The following ZHX2 variants were observed in gnomAD, a reference collection of about 807,000 sequenced individuals.
The protein encoded by ZHX2 is zinc fingers and homeoboxes protein 2.
In ZHX2, 6 loss-of-function variants were observed where a neutral mutation model predicts 21.9. The observed-to-expected ratio is 0.27, with a 90% confidence interval of 0.15 to 0.54. The LOEUF (loss-of-function observed/expected upper bound fraction) is 0.54, where lower values mean the gene tolerates loss of function less well. Among genes scored for constraint, ZHX2 ranks in the 20% least tolerant of loss-of-function variants. ZHX2 has a pLI of 0.95. For synonymous variants in ZHX2, 434 were observed against 437.1 expected (o/e 0.99, Z 0.09); for missense variants, 908 against 1,090.7 (o/e 0.83, Z 2.36).
intron 2 of ZHX2, among the ~76,000 whole-genome samples, chr8:122,948,237 A>C (rs563684590): frequency 1.3e-5 from 2 of 152,140 alleles, no homozygotes; most frequent in Non-Finnish European, 2.9e-5. Flanking sequence ...GTGGGACTCA[A>C]ACCCAGGCCC....
intron 2 of ZHX2, among the ~76,000 whole-genome samples, chr8:122,895,414 C>T (rs16897609): frequency 0.013 from 1,938 of 152,314 alleles, 38 homozygotes; most frequent in African/African-American, 0.044. Flanking sequence ...ACAGGAAGAA[C>T]GTGTGACCAC....
intron 1 of ZHX2, among the ~76,000 whole-genome samples, chr8:122,788,850 C>T (rs1328305917): frequency 6.6e-6 from 1 of 152,102 alleles, no homozygotes; most frequent in Non-Finnish European, 1.5e-5. Context: ...TGTGTGTGCA[C>T]GTGTGCGTAT....
intron 1 of ZHX2, among the ~76,000 whole-genome samples, chr8:122,813,736 T>C (rs1817975814): frequency 1.3e-5 from 2 of 152,230 alleles, no homozygotes; most frequent in African/African-American, 2.4e-5. Flanking sequence ...AAAAATGGAA[T>C]GCTCCACTCA....
At chr8:122,954,107 T>C in intron 3 of ZHX2, 79 bp downstream of exon 3, 2 of 1,321,154 alleles carry the variant, frequency 1.5e-6, no homozygotes, top group Non-Finnish European at 1.0e-6. Flanking sequence ...ATATAGATTG[T>C]AGGGTACAGA....
chr8:122,857,178 T>C (rs1819046658), intron 1 of ZHX2, among the ~76,000 whole-genome samples: 1 of 152,180 alleles, frequency 6.6e-6, no homozygotes, highest in Non-Finnish European at 1.5e-5. Context: ...TGCACAGTGC[T>C]TGAGTTAGCG....
intron 1 of ZHX2, among the ~76,000 whole-genome samples, chr8:122,826,454 A>G (rs1276440382): frequency 6.6e-6 from 1 of 152,218 alleles, no homozygotes; most frequent in East Asian, 1.9e-4. Flanking sequence ...ACCTTGTCCT[A>G]GTTTTTCAGC....
chr8:122,920,796 A>G (rs1820718269), intron 2 of ZHX2, among the ~76,000 whole-genome samples: 2 of 152,158 alleles, frequency 1.3e-5, no homozygotes, highest in Non-Finnish European at 1.5e-5. Context: ...CAAGGGCAGG[A>G]TCGATGTGAT....
At chr8:122,895,402 G>C (rs1820076265) in intron 2 of ZHX2, among the ~76,000 whole-genome samples, 1 of 152,226 alleles carries the variant, frequency 6.6e-6, no homozygotes, top group Admixed American at 6.5e-5. Context: ...CTACTGCATG[G>C]CACAGGAAGA....
At chr8:122,791,552 C>G (rs1198900969) in intron 1 of ZHX2, among the ~76,000 whole-genome samples, 4 of 152,122 alleles carry the variant, frequency 2.6e-5, no homozygotes, top group Non-Finnish European at 5.9e-5. Context: ...CTTATCTGAT[C>G]ATAATAATAA....
chr8:122,856,669 G>T (rs1156794899), intron 1 of ZHX2, among the ~76,000 whole-genome samples: 1 of 152,104 alleles, frequency 6.6e-6, no homozygotes, highest in East Asian at 1.9e-4. Flanking sequence ...CCTGGCAGGA[G>T]GAGCACAGGC....
chr8:122,968,072 T>C (rs1222453527), intron 3 of ZHX2, among the ~76,000 whole-genome samples: 1 of 151,948 alleles, frequency 6.6e-6, no homozygotes, highest in Admixed American at 6.6e-5. Context: ...GTGCAAGTCT[T>C]TGAGGTAAAA....
intron 1 of ZHX2, among the ~76,000 whole-genome samples, chr8:122,845,297 G>C (rs749900470): frequency 2.0e-5 from 3 of 152,096 alleles, no homozygotes; most frequent in Non-Finnish European, 4.4e-5. Context: ...TGCCGCTATT[G>C]AAAATGTTGG....
chr8:122,837,092 G>A lies in ZHX2; in HGVS notation c.-282-26385G>A, dbSNP rs563886028. 9.3e-4 allele frequency among the ~76,000 whole-genome samples: 142 copies of A among 152,198 alleles called. 1 individual carries two copies. The highest frequency in any genetic ancestry group is 3.3e-3 in the African/African-American group (138 of 41,542). On this transcript the variant is annotated intron_variant, in intron 1 of 3. Transcript: ENST00000314393. ...GACAGTTTACAAACACCATGGCAAC[G>A]TCAGGAAGGTACCCTATATGGTCTA...
At chr8:122,905,823 G>A (rs947435628) in intron 2 of ZHX2, among the ~76,000 whole-genome samples, 1 of 152,128 alleles carries the variant, frequency 6.6e-6, no homozygotes, top group African/African-American at 2.4e-5. Flanking sequence ...TTGTATTTTT[G>A]CCATTGAAAG....
Position 122,951,433 on chromosome 8 carries a change from A to T in ZHX2, c.-78A>T. ...GGGGGAATAAAGCCAAAAGCCTTTC[A>T]CCTTATTCGTTCCAAGAATCTCACC... is the stretch of plus-strand genomic sequence containing the variant. On this transcript the variant is annotated 5_prime_UTR_variant, in exon 3 of 4. Transcript: ENST00000314393. 7.7e-7 allele frequency: 1 copy of T among 1,305,112 alleles called. No homozygotes were observed. The highest frequency in any genetic ancestry group is 1.1e-6 in the Non-Finnish European group (1 of 952,314). 80.8% of individuals were successfully genotyped at this position (1,305,112 alleles called of 1,614,324 possible).
intron 1 of ZHX2, among the ~76,000 whole-genome samples, chr8:122,843,187 C>T (rs1316193383): frequency 6.6e-6 from 1 of 152,204 alleles, no homozygotes; most frequent in African/African-American, 2.4e-5. Context: ...AGATCTGTTA[C>T]ATGCCAGACT....
chr8:122,967,915 T>C (rs1283898359), intron 3 of ZHX2, among the ~76,000 whole-genome samples: 1 of 152,132 alleles, frequency 6.6e-6, no homozygotes, highest in East Asian at 1.9e-4. Context: ...GATTATGTCT[T>C]TTTTCTTCAG....
At chr8:122,936,147 T>C (rs975326100) in intron 2 of ZHX2, among the ~76,000 whole-genome samples, 1 of 152,166 alleles carries the variant, frequency 6.6e-6, no homozygotes, top group African/African-American at 2.4e-5. Flanking sequence ...CCAGGAATGT[T>C]TGAAGAAGGG....
chr8:122,950,201 G>A (rs561186609), intron 2 of ZHX2, among the ~76,000 whole-genome samples: 1 of 152,162 alleles, frequency 6.6e-6, no homozygotes, highest in South Asian at 2.1e-4. Flanking sequence ...GTTGATAAGA[G>A]CCAAAAACGA....
Sources: allele counts gnomAD v4.1 joint callset (sites outside exome capture counted in the v4.1 genomes callset), GRCh38; gene constraint gnomAD v4.1.1; transcripts MANE v1.5; gene names NCBI Gene and HGNC (gene_info 2026-07-23, HGNC 2026-07-21).